LMBRD1: variants seen among roughly 807,000 people sequenced by gnomAD.
LMBRD1 encodes lysosomal cobalamin transport escort protein LMBD1.
Under a neutral mutation model 74.8 loss-of-function variants are expected in LMBRD1, and 64 were observed. The ratio of observed to expected loss-of-function variants is 0.86; its 90% CI spans 0.70 to 1.05. The LOEUF (loss-of-function observed/expected upper bound fraction) is 1.05, where lower values mean the gene tolerates loss of function less well. Ranked by LOEUF, LMBRD1 falls within the 50% of genes least tolerant of loss-of-function variation. The pLI is 0.00. For synonymous variants in LMBRD1, 204 were observed against 216.3 expected (o/e 0.94, Z 0.50); for missense variants, 652 against 645.9 (o/e 1.01, Z -0.10).
intron 7 of LMBRD1, among the ~76,000 whole-genome samples, chr6:69,722,006 T>C (rs62408993): frequency 0.12 from 17,563 of 152,140 alleles, 1,069 homozygotes; most frequent in Non-Finnish European, 0.14. Flanking sequence ...CAAGTAGGAC[T>C]TTGTATTGTG....
At chr6:69,711,556 A>G (rs991910058) in intron 9 of LMBRD1, among the ~76,000 whole-genome samples, 1 of 152,194 alleles carries the variant, frequency 6.6e-6, no homozygotes, top group African/African-American at 2.4e-5. Flanking sequence ...AAAGCTGGAG[A>G]GAGTTTCATC....
chr6:69,683,096 G>A (rs1412552719), intron 14 of LMBRD1, among the ~76,000 whole-genome samples: 1 of 151,844 alleles, frequency 6.6e-6, no homozygotes, highest in African/African-American at 2.4e-5. Context: ...CAACACAACC[G>A]CAATGTCACC....
At chr6:69,703,045 C>T (rs183678517) in intron 9 of LMBRD1, among the ~76,000 whole-genome samples, 34 of 151,962 alleles carry the variant, frequency 2.2e-4, no homozygotes, top group Admixed American at 4.6e-4. Flanking sequence ...AGAGAGTTGA[C>T]GAGAGGGGTC....
At chr6:69,688,282 G>A (rs1765807655) in intron 14 of LMBRD1, among the ~76,000 whole-genome samples, 1 of 152,020 alleles carries the variant, frequency 6.6e-6, no homozygotes, top group Non-Finnish European at 1.5e-5. Context: ...GTATCAACTA[G>A]TGTAGTAATT....
chr6:69,701,790 C>T, intron 10 of LMBRD1, 99 bp downstream of exon 10: 1 of 859,618 alleles, frequency 1.2e-6, no homozygotes, highest in African/African-American at 1.7e-5. Context: ...AAAAAAGCTA[C>T]TTAAGATGAA....
chr6:69,733,884 G>T (rs1766916266), intron 7 of LMBRD1, among the ~76,000 whole-genome samples: 1 of 152,176 alleles, frequency 6.6e-6, no homozygotes. Flanking sequence ...ACTATAGTTT[G>T]AACCATATGA....
chr6:69,708,134 G>A (rs964146573), intron 9 of LMBRD1, among the ~76,000 whole-genome samples: 13 of 152,090 alleles, frequency 8.5e-5, no homozygotes, highest in Non-Finnish European at 5.9e-5. Context: ...AGCTGTATAA[G>A]CTCAAAGTAT....
chr6:69,768,151 T>C (rs1438984980), intron 3 of LMBRD1, among the ~76,000 whole-genome samples: 1 of 151,932 alleles, frequency 6.6e-6, no homozygotes, highest in African/African-American at 2.4e-5. Flanking sequence ...TCTCATTTGA[T>C]TGGGGGTATT....
At chr6:69,760,837 G>A (rs1395906862) in intron 3 of LMBRD1, among the ~76,000 whole-genome samples, 7 of 152,068 alleles carry the variant, frequency 4.6e-5, no homozygotes, top group Admixed American at 6.6e-5. Flanking sequence ...AAAAGTCCAC[G>A]TAACAAAGAA....
chr6:69,729,002 T>A (rs1284704718), intron 7 of LMBRD1, among the ~76,000 whole-genome samples: 1 of 151,752 alleles, frequency 6.6e-6, no homozygotes, highest in African/African-American at 2.4e-5. Context: ...ATTTTTTTTT[T>A]ATGAAAGGTA....
chr6:69,706,229 A>T (rs964708718), intron 9 of LMBRD1: 1 of 391,692 alleles, frequency 2.6e-6, no homozygotes, highest in African/African-American at 2.1e-5. Flanking sequence ...TCAAGAGAAC[A>T]GCCGCACAGG....
At chr6:69,781,583 A>C (rs1765836360) in intron 2 of LMBRD1, among the ~76,000 whole-genome samples, 1 of 152,288 alleles carries the variant, frequency 6.6e-6, no homozygotes, top group South Asian at 2.1e-4. Context: ...TAAATGCCTA[A>C]AATATAAAAA....
intron 5 of LMBRD1, among the ~76,000 whole-genome samples, chr6:69,748,901 T>G (rs1765054321): frequency 1.3e-5 from 2 of 152,126 alleles, no homozygotes; most frequent in Middle Eastern, 6.8e-3. Context: ...TTATTTATAA[T>G]GGGGAAACAT....
intron 3 of LMBRD1, among the ~76,000 whole-genome samples, chr6:69,776,082 A>C (rs1035246993): frequency 6.6e-5 from 10 of 152,358 alleles, no homozygotes; most frequent in African/African-American, 2.4e-4. Context: ...GTATAATGAT[A>C]TGTGTCAACA....
chr6:69,772,373 A>G (rs1341823731), intron 3 of LMBRD1, among the ~76,000 whole-genome samples: 1 of 152,210 alleles, frequency 6.6e-6, no homozygotes, highest in Non-Finnish European at 1.5e-5. Flanking sequence ...ATAAGAAGAA[A>G]AAACAAGAAC....
chr6:69,687,710 C>T, intron 14 of LMBRD1, among the ~76,000 whole-genome samples: 1 of 152,064 alleles, frequency 6.6e-6, no homozygotes, highest in Admixed American at 6.6e-5. Context: ...AAGAGGGTAA[C>T]TTTCTAAATA....
chr6:69,774,812 G>C (rs758910330), intron 3 of LMBRD1, among the ~76,000 whole-genome samples: 12 of 151,826 alleles, frequency 7.9e-5, no homozygotes, highest in African/African-American at 2.9e-4. Context: ...AAAAGAGTAG[G>C]CTGAGTGTGG....
intron 9 of LMBRD1, among the ~76,000 whole-genome samples, chr6:69,707,436 G>GT: frequency 6.6e-6 from 1 of 152,248 alleles, no homozygotes; most frequent in African/African-American, 2.4e-5. Flanking sequence ...AAAAGGCACT[G>GT]TATCTACCAT....
intron 8 of LMBRD1, 33 bp downstream of exon 8, chr6:69,718,923 A>G: frequency 1.2e-6 from 2 of 1,610,846 alleles, no homozygotes; most frequent in Non-Finnish European, 1.7e-6. Flanking sequence ...AAGTAGTTTT[A>G]TGCTTCCCAA....
Sources: gnomAD v4.1 joint callset for allele counts (sites outside exome capture counted in the v4.1 genomes callset) on GRCh38, gnomAD v4.1.1 for gene constraint, MANE v1.5 for transcripts, NCBI Gene and HGNC (gene_info 2026-07-23, HGNC 2026-07-21) for gene names.